TM9SF3: variants seen among roughly 807,000 people sequenced by gnomAD.
TM9SF3 encodes the protein transmembrane 9 superfamily member 3.
In TM9SF3, 14 loss-of-function variants were observed where a neutral mutation model predicts 78.6. The ratio of observed to expected loss-of-function variants is 0.18; its 90% confidence interval spans 0.12 to 0.28. The LOEUF is 0.28. TM9SF3 is among the 10% of genes least tolerant of loss of function. TM9SF3 has a pLI of 1.00. For missense variants in TM9SF3, 496 were observed against 721.9 expected (o/e 0.69, Z 3.59); for synonymous variants, 231 against 241.7 (o/e 0.96, Z 0.41).
chr10:96,561,455 T>C (rs567322878), intron 4 of TM9SF3, among the ~76,000 whole-genome samples: 1 of 152,272 alleles, frequency 6.6e-6, no homozygotes, highest in South Asian at 2.1e-4. Context: ...CTACACTGAA[T>C]TTCTCTCTCA....
intron 1 of TM9SF3, among the ~76,000 whole-genome samples, chr10:96,580,410 C>A (rs1442366389): frequency 6.6e-6 from 1 of 152,094 alleles, no homozygotes; most frequent in African/African-American, 2.4e-5. Context: ...GGACTACAGG[C>A]GCCCACCACC....
chr10:96,522,637 GGTT>G (rs1847792263), intron 14 of TM9SF3, among the ~76,000 whole-genome samples: 3 of 151,762 alleles, frequency 2.0e-5, no homozygotes, highest in Non-Finnish European at 4.4e-5. Flanking sequence ...AATGGCAAAA[GGTT>G]GTTAAATCAA....
intron 3 of TM9SF3, among the ~76,000 whole-genome samples, chr10:96,563,476 A>C (rs983995991): frequency 3.1e-4 from 47 of 152,136 alleles, no homozygotes; most frequent in African/African-American, 1.1e-3. Context: ...GCTGGGTTCA[A>C]GCAATTCTTA....
At chr10:96,562,216 G>GTT (rs34868868) in intron 3 of TM9SF3, 78 bp from the exon 4 acceptor site, 35,976 of 544,906 alleles carry the variant, frequency 0.066, 531 homozygotes, top group African/African-American at 0.15. Flanking sequence ...TGCTCATTAA[G>GTT]TTTTTTTTTT....
chr10:96,533,250 TAA>T (rs1346214588), intron 9 of TM9SF3, 60 bp from the exon 10 acceptor site: 6 of 1,529,602 alleles, frequency 3.9e-6, no homozygotes, highest in African/African-American at 1.4e-5. Context: ...TATAAACAAA[TAA>T]AAGAGACACA....
chr10:96,558,520 C>T (rs1426841903), intron 5 of TM9SF3, among the ~76,000 whole-genome samples: 1 of 151,922 alleles, frequency 6.6e-6, no homozygotes, highest in African/African-American at 2.4e-5. Context: ...ATGGTGTGTG[C>T]CTGTAATCCC....
chr10:96,561,372 T>C (rs1564936315), intron 4 of TM9SF3, among the ~76,000 whole-genome samples: 1 of 152,240 alleles, frequency 6.6e-6, no homozygotes. Flanking sequence ...TGCACAAGGC[T>C]TGAAAAACTT....
At position 96,520,601 on chromosome 10, in the gene TM9SF3, T is replaced by C; in HGVS notation, c.*1662A>G. Reference sequence around the variant, plus strand: ...GGTGGTCATTTGCATAGCAAACTATTAAACTAGAAACTCAGTGGTTCTAGG... The same window carrying C: ...GGTGGTCATTTGCATAGCAAACTATCAAACTAGAAACTCAGTGGTTCTAGG... On this transcript the variant is annotated 3_prime_UTR_variant, in exon 15 of 15. Transcript: ENST00000371142. 1 of 277,882 alleles carries C rather than the reference T, an allele frequency of 3.6e-6. No individual in the cohort carries two copies. The allele number at this position is 277,882 out of a possible 1,614,324, so 17.2% of individuals were successfully genotyped here. A position where few individuals can be genotyped will look rare whatever the true frequency, so the allele number is the denominator to read the frequency against.
At chr10:96,555,871 A>G (rs531420683) in intron 5 of TM9SF3, among the ~76,000 whole-genome samples, 58 of 152,200 alleles carry the variant, frequency 3.8e-4, no homozygotes, top group Non-Finnish European at 7.5e-4. Context: ...AAAGCTCAAG[A>G]GGGAAAGAAA....
chr10:96,562,154 C>A lies in TM9SF3; in HGVS notation c.422-16G>T. 1.3e-6 allele frequency: 2 copies of A among 1,573,036 alleles called. No homozygotes were observed. The highest frequency in any genetic ancestry group is 1.7e-6 in the Non-Finnish European group (2 of 1,154,122). ...CCAACAATACCTACAAAAGAAAAAA[C>A]ACTTTATACAAGGTAAAACCACTTA... On this transcript the variant is annotated splice_polypyrimidine_tract_variant and intron_variant, in intron 3 of 14. Transcript: ENST00000371142.
rs1335620386 is a variant in TM9SF3 at position 96,519,816 on chromosome 10, C to A, written c.*2447G>T. ...CACACACATACATACACTTATTCAA[C>A]CCCTCTATGCAGCCAAAAACCAATA... On this transcript the variant is annotated 3_prime_UTR_variant, in exon 15 of 15. Transcript: ENST00000371142. 4 of 151,630 alleles carry A rather than the reference C, an allele frequency of 2.6e-5. No individual in the cohort carries two copies. The East Asian group carries it at 7.7e-4, about 29-fold the overall frequency. 9.4% of individuals were successfully genotyped at this position (151,630 alleles called of 1,614,324 possible). A position where few individuals can be genotyped will look rare whatever the true frequency, so the allele number is the denominator to read the frequency against.
rs775634456 is a variant in TM9SF3 at position 96,524,515 on chromosome 10, AAC to A, written c.1703-2187_1703-2186del. On this transcript the variant is annotated intron_variant, in intron 14 of 14. Transcript: ENST00000371142. ...TGAGCAGAAATATGCTTAAAATCAAAACAGTTTCAACCTAGAGAATCATTTTT... is the reference window on the plus strand; with the variant it reads ...TGAGCAGAAATATGCTTAAAATCAAAAGTTTCAACCTAGAGAATCATTTTT... Among the ~76,000 whole-genome samples the A allele has an allele frequency of 4.6e-5, 7 of 152,038 alleles. No individual in the cohort carries two copies. In the South Asian group the frequency reaches 1.4e-3, roughly 31 times the overall value.
intron 9 of TM9SF3, 63 bp downstream of exon 9, chr10:96,544,013 G>C: frequency 1.3e-6 from 2 of 1,516,666 alleles, no homozygotes; most frequent in South Asian, 1.3e-5. Flanking sequence ...TTTGGAGGGT[G>C]AGTAGGTCTC....
intron 10 of TM9SF3, among the ~76,000 whole-genome samples, chr10:96,532,103 G>A (rs963790135): frequency 4.6e-5 from 7 of 151,786 alleles, no homozygotes; most frequent in East Asian, 1.9e-4. Flanking sequence ...CCAGTTACTC[G>A]GGAGGCTGAG....
chr10:96,519,447 C>A lies in TM9SF3; in HGVS notation c.*2816G>T, dbSNP rs916632743. The A allele has an allele frequency of 1.3e-5, 2 of 152,044 alleles. No homozygotes were observed. The highest frequency in any genetic ancestry group is 3.9e-4 in the East Asian group (2 of 5,188). The allele number at this position is 152,044 out of a possible 1,614,324, so 9.4% of individuals were successfully genotyped here. On this transcript the variant is annotated 3_prime_UTR_variant, in exon 15 of 15. Coordinates refer to ENST00000371142, the MANE Select transcript of TM9SF3 (RefSeq NM_020123.4). ...TGAAAAATACTAAAAGAATGCTTCA[C>A]CATCCCTCAGGCCATTACATTTCCA...
At chr10:96,559,955 G>GTCCT in intron 4 of TM9SF3, among the ~76,000 whole-genome samples, 1 of 152,150 alleles carries the variant, frequency 6.6e-6, no homozygotes, top group Non-Finnish European at 1.5e-5. Context: ...CCTCAGAGGG[G>GTCCT]TGATTTCAGT....
In TM9SF3 at chr10:96,522,272, T is replaced by C. The variant is rs751195154; in HGVS notation, c.1761A>G (p.Lys587=). The part of the protein sequence containing the change: ...AFVRKIYTNV[K]ID ...AGGTTTTCTTGGGTCTCTAGTCAAT[T>C]TTCACATTAGTATAGATTTTTCGGA... Residue 587 remains lysine, a synonymous_variant, in exon 15 of 15, where the codon AAA becomes AAG. Transcript: ENST00000371142. The C allele has an allele frequency of 6.3e-7, 1 of 1,598,540 alleles. No homozygotes were observed. Among genetic ancestry groups the C allele is most frequent in the Non-Finnish European group, 8.5e-7 (1 of 1,174,098 alleles).
Position 96,522,414 on chromosome 10 carries a change from T to G in TM9SF3, c.1703-84A>C, listed in dbSNP as rs573829736. 17 of 1,056,952 alleles carry G rather than the reference T, an allele frequency of 1.6e-5. No homozygotes were observed. In the Admixed American group the frequency reaches 4.1e-4, roughly 26 times the overall value. 65.5% of individuals were successfully genotyped at this position (1,056,952 alleles called of 1,614,324 possible). On this transcript the variant is annotated intron_variant, in intron 14 of 14. Transcript: ENST00000371142. ...TAAAAACACTAAATACTCTATGCTC[T>G]GGAAAGTTATTCTTTTTTAAAGAAA...
chr10:96,566,023 G>A (rs543716280), intron 2 of TM9SF3, among the ~76,000 whole-genome samples: 1 of 152,132 alleles, frequency 6.6e-6, no homozygotes, highest in South Asian at 2.1e-4. Context: ...TTTCCACCCC[G>A]ACTGCTTTCA....
Sources: allele counts gnomAD v4.1 joint callset (sites outside exome capture counted in the v4.1 genomes callset), GRCh38; gene constraint gnomAD v4.1.1; transcripts MANE v1.5; gene names NCBI Gene and HGNC (gene_info 2026-07-23, HGNC 2026-07-21).